Variants in AKAP3 observed in about 807,000 individuals in gnomAD.
AKAP3 encodes A-kinase anchoring protein 3.
In AKAP3, 27 loss-of-function variants were observed where a neutral mutation model predicts 57.2. The observed-to-expected ratio is 0.47, with a 90% CI of 0.35 to 0.65. AKAP3 has a LOEUF of 0.65. Ranked by LOEUF, AKAP3 falls within the 30% of genes least tolerant of loss-of-function variation. The pLI is 0.01. For missense variants in AKAP3, 959 were observed against 1,040.0 expected (o/e 0.92, Z 1.07); for synonymous variants, 334 against 392.3 (o/e 0.85, Z 1.76).
Position 4,628,128 on chromosome 12 carries a change from T to C in AKAP3, c.774A>G (p.Gly258=), listed in dbSNP as rs1292495997. 2 of 1,614,154 alleles carry C rather than the reference T, an allele frequency of 1.2e-6. No individual in the cohort carries two copies. Among genetic ancestry groups the C allele is most frequent in the Non-Finnish European group, 1.7e-6 (2 of 1,180,012 alleles). The stretch of plus-strand genomic sequence containing the variant: ...TCTTTCTCTCCCGAGGAAAGAACCT[T>C]CCACCCTCTCTGGCATAATCTCCAT... ...SRNGDYAREG[G]RFFPRERKRF... The change falls in exon 5 of 6, where the codon GGA becomes GGG. Residue 258 remains glycine, a synonymous_variant. Coordinates refer to ENST00000228850, the MANE Select transcript of AKAP3 (RefSeq NM_001278309.2).
chr12:4,638,220 GA>G, intron 3 of AKAP3, 24 bp from the exon 4 acceptor site: 1 of 1,532,724 alleles, frequency 6.5e-7, no homozygotes, highest in East Asian at 2.3e-5. Flanking sequence ...AAAAAAATGA[GA>G]AAGGGTCATC....
chr12:4,627,407 C>G lies in AKAP3; in HGVS notation c.1495G>C (p.Asp499His), dbSNP rs1591820180. The change falls in exon 5 of 6, where the codon GAT (aspartate) becomes CAT (histidine). Residue 499 changes from aspartate to histidine, a missense_variant. Asp to His is a moderately conservative substitution (Grantham distance 81, BLOSUM62 -1). Transcript: ENST00000228850. Reference sequence around the variant, plus strand: ...GGAGGAAGGCTGAGGTTGCCAATATCTTCAGGGTACTCAAAGGAAATGTCT... The same window carrying G: ...GGAGGAAGGCTGAGGTTGCCAATATGTTCAGGGTACTCAAAGGAAATGTCT... ...ASDISFEYPE[D>H]IGNLSLPPYP... The G allele has an allele frequency of 6.2e-7, 1 of 1,613,946 alleles. No individual in the cohort carries two copies. Among genetic ancestry groups the G allele is most frequent in the Non-Finnish European group, 8.5e-7 (1 of 1,179,988 alleles).
intron 4 of AKAP3, chr12:4,635,651 T>A (rs1945555747): frequency 2.5e-6 from 2 of 784,632 alleles, no homozygotes; most frequent in Admixed American, 4.0e-5. Flanking sequence ...TTTAACCCAA[T>A]TTTTTGCTCT....
chr12:4,621,032 G>A (rs1430982563), intron 5 of AKAP3, among the ~76,000 whole-genome samples: 2 of 152,128 alleles, frequency 1.3e-5, no homozygotes, highest in Non-Finnish European at 2.9e-5. Flanking sequence ...AACATGCAGA[G>A]GTGGAAGGCA....
At chr12:4,629,279 A>G (rs1945468108) in intron 4 of AKAP3, among the ~76,000 whole-genome samples, 1 of 152,206 alleles carries the variant, frequency 6.6e-6, no homozygotes, top group Non-Finnish European at 1.5e-5. Flanking sequence ...AGGACGTGAT[A>G]TCATTCTTTT....
intron 5 of AKAP3, 147 bp from the exon 6 acceptor site, chr12:4,616,041 G>T: frequency 1.1e-6 from 1 of 910,066 alleles, no homozygotes; most frequent in Non-Finnish European, 1.7e-6. Context: ...TTTAACAGAA[G>T]GAGGTTGGTG....
At position 4,624,316 on chromosome 12, in the gene AKAP3, C is replaced by T. The variant is rs6416317; in HGVS notation, c.2406+2180G>A. Among the ~76,000 whole-genome samples, 145 of 43,038 alleles carry T rather than the reference C, an allele frequency of 3.4e-3. 13 individuals carry two copies. The highest frequency in any genetic ancestry group is 0.029 in the East Asian group (19 of 664). 28.2% of individuals were successfully genotyped at this position (43,038 alleles called of 152,430 possible). A position where few individuals can be genotyped will look rare whatever the true frequency, so the allele number is the denominator to read the frequency against. On this transcript the variant is annotated intron_variant, in intron 5 of 5. Coordinates refer to ENST00000228850, the MANE Select transcript of AKAP3 (RefSeq NM_001278309.2). Reference sequence around the variant, plus strand: ...TAAAAAATAATAATTTGTGACTTTACGTGTGTGTGTGTGTGTGTGTGTGTG... The same window carrying T: ...TAAAAAATAATAATTTGTGACTTTATGTGTGTGTGTGTGTGTGTGTGTGTG...
rs1945425318 is a variant in AKAP3, at chr12:4,627,041, G to A, written c.1861C>T (p.Pro621Ser). The change falls in exon 5 of 6, where the codon CCA becomes TCA. Residue 621 changes from proline to serine, a missense_variant. By Grantham distance (74) the Pro-to-Ser change is moderately conservative. Coordinates refer to ENST00000228850, the MANE Select transcript of AKAP3 (RefSeq NM_001278309.2). ...QSPEPKVPEQ[P>S]VKEDRKLCER... The stretch of plus-strand genomic sequence containing the variant: ...CACAACTTCCTATCTTCCTTAACTG[G>A]CTGTTCCGGCACCTTGGGTTCAGGG... The A allele has an allele frequency of 1.2e-6, 2 of 1,613,856 alleles. No individual in the cohort carries two copies.
intron 5 of AKAP3, among the ~76,000 whole-genome samples, chr12:4,622,176 G>A (rs1285956647): frequency 6.6e-6 from 1 of 152,088 alleles, no homozygotes; most frequent in African/African-American, 2.4e-5. Flanking sequence ...GATAGAAAGA[G>A]TCAATATTGT....
At chr12:4,648,490 G>A (rs1945726045) in intron 1 of AKAP3, 2 of 152,260 alleles carry the variant, frequency 1.3e-5, no homozygotes, top group African/African-American at 4.8e-5. Context: ...TATCCGAAGA[G>A]GTCACTTTTG....
intron 5 of AKAP3, among the ~76,000 whole-genome samples, chr12:4,623,923 T>C (rs894309542): frequency 2.0e-5 from 3 of 152,186 alleles, no homozygotes; most frequent in Non-Finnish European, 4.4e-5. Context: ...TGTGAGGAAA[T>C]AGTCCTCTTA....
At position 4,627,676 on chromosome 12, in the gene AKAP3, A is replaced by G. The variant is rs746285603; in HGVS notation, c.1226T>C (p.Met409Thr). The change falls in exon 5 of 6, where the codon ATG becomes ACG. Residue 409 changes from methionine (M) to threonine (T), a missense_variant. Coordinates refer to ENST00000228850, the MANE Select transcript of AKAP3 (RefSeq NM_001278309.2). ...DKAESYSLISMKGMGDPKNRN... is the reference protein window; with the variant it reads ...DKAESYSLISTKGMGDPKNRN... ...GTTTTTAGGATCACCCATTCCTTTC[A>G]TGGAGATGAGGGAATAACTCTCAGC... 6.2e-7 allele frequency: 1 copy of G among 1,614,032 alleles called. No individual in the cohort carries two copies.
intron 4 of AKAP3, among the ~76,000 whole-genome samples, chr12:4,634,913 A>G (rs1311024935): frequency 7.2e-5 from 11 of 152,344 alleles, no homozygotes; most frequent in Middle Eastern, 3.4e-3. Context: ...TACTATGGCT[A>G]AGCATAAATA....
intron 5 of AKAP3, 79 bp downstream of exon 5, chr12:4,626,417 C>T: frequency 2.0e-6 from 3 of 1,479,578 alleles, no homozygotes; most frequent in Non-Finnish European, 2.7e-6. Flanking sequence ...GCTATCTTCC[C>T]ATTCAGAAAG....
chr12:4,631,318 T>G (rs1254328438), intron 4 of AKAP3: 1 of 701,806 alleles, frequency 1.4e-6, no homozygotes, highest in Admixed American at 2.0e-5. Flanking sequence ...TTGTCCATCT[T>G]AAGCTCACCA....
At chr12:4,640,228 T>C (rs554119125) in intron 3 of AKAP3, among the ~76,000 whole-genome samples, 1 of 152,322 alleles carries the variant, frequency 6.6e-6, no homozygotes, top group East Asian at 1.9e-4. Context: ...ACTTCTCAAT[T>C]ATCAAGGTGG....
Position 4,638,140 on chromosome 12 carries a change from G to A in AKAP3, c.57C>T (p.Val19=), listed in dbSNP as rs767063149. The A allele has an allele frequency of 4.3e-6, 7 of 1,613,794 alleles. No individual in the cohort carries two copies. The highest frequency in any genetic ancestry group is 5.9e-6 in the Non-Finnish European group (7 of 1,179,916). Residue 19 remains valine, a synonymous_variant, in exon 4 of 6, where the codon GTC becomes GTT. Transcript: ENST00000228850. ...GGGCTTGGTTGTCTCCAGGAGAATA[G>A]ACATCAACTTTGCATACTCCATTTT... ...QSQNGVCKVD[V]YSPGDNQAQD...
rs192522377 is a variant in AKAP3 at position 4,623,062 on chromosome 12, A to T, written c.2406+3434T>A. Among the ~76,000 whole-genome samples, 60 of 152,290 alleles carry T rather than the reference A, an allele frequency of 3.9e-4. No individual in the cohort carries two copies. In the East Asian group the frequency reaches 9.3e-3, roughly 24 times the overall value. On this transcript the variant is annotated intron_variant, in intron 5 of 5. Transcript: ENST00000228850. ...GGTCACTAGATAAACGCAAATCCAA[A>T]CCATAATGAGATACCATCTCACACC...
At position 4,626,851 on chromosome 12, in the gene AKAP3, A is replaced by G. The variant is rs1331656356; in HGVS notation, c.2051T>C (p.Ile684Thr). The stretch of plus-strand genomic sequence containing the variant: ...CAACGAAGCATCACAGGACTTAGCA[A>G]TGATGACACACAGCTTCATCACTGA... ...MNSVMKLCVIIAKSCDASLAE... is the reference protein window; with the variant it reads ...MNSVMKLCVITAKSCDASLAE... Residue 684 changes from isoleucine to threonine, a missense_variant, in exon 5 of 6, where the codon ATT becomes ACT. Ile to Thr is a moderately conservative substitution (Grantham distance 89). Transcript: ENST00000228850. 6.2e-7 allele frequency: 1 copy of G among 1,608,650 alleles called. No individual in the cohort carries two copies. The highest frequency in any genetic ancestry group is 1.7e-5 in the Admixed American group (1 of 59,346).
Sources: allele counts gnomAD v4.1 joint callset (sites outside exome capture counted in the v4.1 genomes callset), GRCh38; gene constraint gnomAD v4.1.1; transcripts MANE v1.5; gene names NCBI Gene and HGNC (gene_info 2026-07-23, HGNC 2026-07-21).